DSCAM: variants seen among roughly 807,000 people sequenced by gnomAD.
DSCAM encodes the protein DS cell adhesion molecule, also known as cell adhesion molecule DSCAM.
A neutral mutation model predicts 217.7 loss-of-function variants in DSCAM; 47 were observed. That is an observed-to-expected ratio of 0.22 (90% CI 0.17 to 0.28). The LOEUF is 0.28. DSCAM is among the 10% of genes least tolerant of loss of function. The pLI is 1.00. For missense variants in DSCAM, 2,080 were observed against 2,618.3 expected, an observed-to-expected ratio of 0.79 and a Z score of 4.49; for synonymous variants, 1,056 against 1,015.3, an observed-to-expected ratio of 1.04 and a Z score of -0.76.
chr21:40,732,451 T>C (rs1296733790), intron 1 of DSCAM, among the ~76,000 whole-genome samples: 1 of 152,200 alleles, frequency 6.6e-6, no homozygotes, highest in Non-Finnish European at 1.5e-5. Flanking sequence ...TTAAGAGTCA[T>C]GAAATCACAA....
At chr21:40,812,525 T>C (rs1466592643) in intron 1 of DSCAM, among the ~76,000 whole-genome samples, 1 of 152,200 alleles carries the variant, frequency 6.6e-6, no homozygotes, top group African/African-American at 2.4e-5. Flanking sequence ...TTTGGATACA[T>C]GTGAACCATG....
intron 32 of DSCAM, among the ~76,000 whole-genome samples, chr21:40,028,705 G>C (rs187003568): frequency 6.6e-6 from 1 of 152,120 alleles, no homozygotes; most frequent in Non-Finnish European, 1.5e-5. Flanking sequence ...GCTCTGCTTC[G>C]GCTCACGCAC....
At chr21:40,600,512 C>A (rs533204387) in intron 3 of DSCAM, among the ~76,000 whole-genome samples, 1,830 of 152,282 alleles carry the variant, frequency 0.012, 16 homozygotes, top group East Asian at 0.029. Flanking sequence ...TGGGGAGACA[C>A]ATACATCCAG....
intron 3 of DSCAM, among the ~76,000 whole-genome samples, chr21:40,655,031 A>C (rs933380880): frequency 2.6e-5 from 4 of 152,156 alleles, no homozygotes; most frequent in Non-Finnish European, 5.9e-5. Context: ...TGTACTAGGT[A>C]ATCACTAGCT....
At position 40,078,924 on chromosome 21, in the gene DSCAM, C is replaced by T. The variant is rs375066583; in HGVS notation, c.4474G>A (p.Val1492Met). The T allele has an allele frequency of 7.0e-5, 113 of 1,614,212 alleles. No individual in the cohort carries two copies. The South Asian group carries it at 8.7e-4, about 12-fold the overall frequency. ...TTCCAGCCAATGAGGTTCAGCCTCA[C>T]GCGTGTGGTGTTGATGCTGGCAAAC... ...ELFASINTTRVRLNLIGWNDG... is the reference protein window; with the variant it reads ...ELFASINTTRMRLNLIGWNDG... The change falls in exon 26 of 33, where the codon GTG becomes ATG. Residue 1492 changes from valine (V) to methionine (M), a missense_variant. By Grantham distance (21) the Val-to-Met change is conservative. Coordinates refer to ENST00000400454, the MANE Select transcript of DSCAM (RefSeq NM_001389.5).
chr21:40,818,157 G>A (rs1322340314), intron 1 of DSCAM, among the ~76,000 whole-genome samples: 2 of 148,792 alleles, frequency 1.3e-5, no homozygotes, highest in South Asian at 2.1e-4. Flanking sequence ...AGCTCCTTGG[G>A]CCTCGATGTG....
chr21:40,236,991 C>T (rs2073088746), intron 11 of DSCAM, among the ~76,000 whole-genome samples: 1 of 152,230 alleles, frequency 6.6e-6, no homozygotes, highest in South Asian at 2.1e-4. Context: ...GCCCATCACA[C>T]ATCCCAGCGC....
chr21:40,609,039 C>T lies in DSCAM; in HGVS notation c.508+83771G>A, dbSNP rs188841959. Among the ~76,000 whole-genome samples, 73 of 152,260 alleles carry T rather than the reference C, an allele frequency of 4.8e-4. No homozygotes were observed. In the South Asian group the frequency reaches 6.4e-3, roughly 13 times the overall value. ...GCACAATCATGGCTCACTGCAGCCT[C>T]GAGCTCCTGGGCTCAAGCAGTCCTC... On this transcript the variant is annotated intron_variant, in intron 3 of 32. Coordinates refer to ENST00000400454, the MANE Select transcript of DSCAM (RefSeq NM_001389.5).
At chr21:40,416,144 G>A (rs2075369943) in intron 3 of DSCAM, among the ~76,000 whole-genome samples, 1 of 152,036 alleles carries the variant, frequency 6.6e-6, no homozygotes. Context: ...TTTCTGGATT[G>A]GACACATTTG....
rs1555875012 is a variant in DSCAM, at chr21:40,637,632, A to AT, written c.508+55177_508+55178insA. Reference sequence around the variant, plus strand: ...ATATATATAAATATATACATATATAAATATATATAAATATATATCTATATA... The same window carrying AT: ...ATATATATAAATATATACATATATAATATATATATAAATATATATCTATATA... On this transcript the variant is annotated intron_variant, in intron 3 of 32. Transcript: ENST00000400454. Among the ~76,000 whole-genome samples the AT allele has an allele frequency of 4.2e-3, 178 of 42,184 alleles. 14 individuals are homozygous for AT. Among genetic ancestry groups the AT allele is most frequent in the Middle Eastern group, 0.015 (1 of 68 alleles). 27.7% of individuals were successfully genotyped at this position (42,184 alleles called of 152,430 possible).
chr21:40,356,289 G>A (rs2074691943), intron 4 of DSCAM, among the ~76,000 whole-genome samples: 1 of 151,838 alleles, frequency 6.6e-6, no homozygotes. Context: ...TGCAAAGACA[G>A]TTGATCTTAA....
At chr21:40,483,951 A>G (rs1446229400) in intron 3 of DSCAM, among the ~76,000 whole-genome samples, 1 of 152,244 alleles carries the variant, frequency 6.6e-6, no homozygotes, top group East Asian at 1.9e-4. Flanking sequence ...AGTATTTTTA[A>G]TTTTTCTGAG....
chr21:40,287,188 A>G (rs1197713703), intron 10 of DSCAM, among the ~76,000 whole-genome samples: 5 of 152,062 alleles, frequency 3.3e-5, no homozygotes, highest in African/African-American at 1.2e-4. Context: ...GGTCTTCTGC[A>G]GTGTGATCTG....
intron 3 of DSCAM, among the ~76,000 whole-genome samples, chr21:40,633,710 A>C (rs1161786166): frequency 6.6e-6 from 1 of 152,222 alleles, no homozygotes; most frequent in Non-Finnish European, 1.5e-5. Flanking sequence ...GGCCTCCGTC[A>C]GGACTGTAGG....
chr21:40,540,064 G>T (rs1009041113), intron 3 of DSCAM, among the ~76,000 whole-genome samples: 4 of 152,006 alleles, frequency 2.6e-5, no homozygotes, highest in Admixed American at 2.6e-4. Context: ...TTATTTTCAC[G>T]TATGATCCAT....
chr21:40,175,726 C>A (rs1379221382), intron 15 of DSCAM, among the ~76,000 whole-genome samples: 5 of 150,434 alleles, frequency 3.3e-5, no homozygotes, highest in African/African-American at 1.2e-4. Flanking sequence ...ACCAGGGCAC[C>A]CTTCAGAATT....
intron 18 of DSCAM, among the ~76,000 whole-genome samples, chr21:40,139,043 TTG>T (rs758697867): frequency 6.4e-5 from 9 of 141,512 alleles, no homozygotes; most frequent in Non-Finnish European, 1.1e-4. Context: ...GTAGTGTGTG[TTG>T]TGTGTGTGTG....
At chr21:40,472,646 A>T (rs867451436) in intron 3 of DSCAM, among the ~76,000 whole-genome samples, 13 of 152,330 alleles carry the variant, frequency 8.5e-5, no homozygotes, top group Middle Eastern at 3.4e-3. Flanking sequence ...TCAAAATTAA[A>T]TGGATGGACA....
At chr21:40,137,532 C>T (rs1376757023) in intron 18 of DSCAM, among the ~76,000 whole-genome samples, 2 of 151,642 alleles carry the variant, frequency 1.3e-5, no homozygotes, top group Admixed American at 1.3e-4. Flanking sequence ...CTTTTTAACG[C>T]TTTTTCTTTT....
Sources: gnomAD v4.1 joint callset for allele counts (sites outside exome capture counted in the v4.1 genomes callset) on GRCh38, gnomAD v4.1.1 for gene constraint, MANE v1.5 for transcripts, NCBI Gene and HGNC (gene_info 2026-07-23, HGNC 2026-07-21) for gene names.